The following STIM2 variants were observed in gnomAD, a reference collection of about 807,000 sequenced individuals.
STIM2 encodes stromal interaction molecule 2.
In STIM2, 31 loss-of-function variants were observed where a neutral mutation model predicts 85.8. That is an observed-to-expected ratio of 0.36 (90% confidence interval 0.27 to 0.49). The LOEUF is 0.49. Among genes scored for constraint, STIM2 ranks in the 20% least tolerant of loss-of-function variants. The pLI, the probability that STIM2 is intolerant of heterozygous loss-of-function variation, is 0.98. For synonymous variants in STIM2, 356 were observed against 331.1 expected (o/e 1.08, Z -0.82); for missense variants, 841 against 927.6 (o/e 0.91, Z 1.21).
In STIM2 at chr4:26,950,227, T is replaced by C. The variant is rs147489288; in HGVS notation, c.283-7385T>C. 2.4e-3 allele frequency among the ~76,000 whole-genome samples: 369 copies of C among 152,340 alleles called. 2 individuals are homozygous for C. Among genetic ancestry groups the C allele is most frequent in the African/African-American group, 8.1e-3 (337 of 41,588 alleles). ...AGACTAATTGTAGTCTTTATGTTTT[T>C]ATGACACAAAACAGCTTTCAGTTGA... On this transcript the variant is annotated intron_variant, in intron 2 of 11. Transcript: ENST00000467087.
chr4:27,006,070 AC>A (rs963816989), intron 7 of STIM2, among the ~76,000 whole-genome samples: 32 of 152,286 alleles, frequency 2.1e-4, no homozygotes, highest in African/African-American at 7.5e-4. Flanking sequence ...CACACAGCTT[AC>A]CCAACTGACT....
At chr4:26,905,654 G>A (rs1724095310) in intron 1 of STIM2, among the ~76,000 whole-genome samples, 1 of 152,112 alleles carries the variant, frequency 6.6e-6, no homozygotes, top group South Asian at 2.1e-4. Context: ...AGAAAATTTT[G>A]TAGCATAATT....
intron 1 of STIM2, among the ~76,000 whole-genome samples, chr4:26,908,523 G>T (rs1428558180): frequency 1.3e-5 from 2 of 152,106 alleles, no homozygotes; most frequent in African/African-American, 2.4e-5. Context: ...TCTTGCTGTC[G>T]CCCAGCCTGG....
intron 1 of STIM2, among the ~76,000 whole-genome samples, chr4:26,878,579 G>A (rs1722893978): frequency 6.6e-6 from 1 of 151,990 alleles, no homozygotes; most frequent in Admixed American, 6.6e-5. Context: ...CTGATTTTTG[G>A]TATATCTCTT....
chr4:26,918,873 A>C (rs1223394044), intron 1 of STIM2, among the ~76,000 whole-genome samples: 1 of 152,198 alleles, frequency 6.6e-6, no homozygotes, highest in African/African-American at 2.4e-5. Context: ...AACATGAAGA[A>C]CAAGATTTAA....
rs544534965 is a variant in STIM2 at position 26,946,590 on chromosome 4, A to G, written c.283-11022A>G. Among the ~76,000 whole-genome samples, 18 of 152,346 alleles carry G rather than the reference A, an allele frequency of 1.2e-4. 1 individual carries two copies. The South Asian group carries it at 3.5e-3, about 30-fold the overall frequency. The stretch of plus-strand genomic sequence containing the variant: ...TGCGCACGCATGCGTGCACACATGT[A>G]TGTCCACATGCTCCTGTATGCTTGC... On this transcript the variant is annotated intron_variant, in intron 2 of 11. Coordinates refer to ENST00000467087, the MANE Select transcript of STIM2 (RefSeq NM_020860.4).
intron 5 of STIM2, among the ~76,000 whole-genome samples, chr4:27,001,021 G>A (rs972921777): frequency 6.6e-6 from 1 of 152,096 alleles, no homozygotes; most frequent in African/African-American, 2.4e-5. Context: ...CAGGTGGAAG[G>A]GTGAAGGTGT....
intron 3 of STIM2, among the ~76,000 whole-genome samples, chr4:26,960,790 C>T (rs115840373): frequency 0.015 from 2,255 of 152,186 alleles, 50 homozygotes; most frequent in African/African-American, 0.051. Flanking sequence ...ACAGGCCAGG[C>T]GCAGTGGCTC....
At chr4:26,890,405 C>T (rs1233855425) in intron 1 of STIM2, among the ~76,000 whole-genome samples, 1 of 152,094 alleles carries the variant, frequency 6.6e-6, no homozygotes, top group Non-Finnish European at 1.5e-5. Context: ...CATGCATGCC[C>T]CACTTTATGA....
At chr4:26,931,578 A>G (rs993740619) in intron 2 of STIM2, among the ~76,000 whole-genome samples, 1 of 152,142 alleles carries the variant, frequency 6.6e-6, no homozygotes. Flanking sequence ...AAAGTTATCT[A>G]TTGAGTAGAG....
chr4:26,966,103 GA>G (rs1324183539), intron 3 of STIM2, among the ~76,000 whole-genome samples: 2 of 152,080 alleles, frequency 1.3e-5, no homozygotes, highest in African/African-American at 4.8e-5. Flanking sequence ...AGACTCAAGG[GA>G]TACCTCAAGG....
intron 3 of STIM2, among the ~76,000 whole-genome samples, chr4:26,964,099 C>T (rs963876467): frequency 4.6e-5 from 7 of 152,068 alleles, no homozygotes; most frequent in African/African-American, 9.7e-5. Context: ...CTGGAAGAGG[C>T]AGCTGAGTTG....
At chr4:26,984,519 C>G (rs555843114) in intron 3 of STIM2, among the ~76,000 whole-genome samples, 1 of 152,118 alleles carries the variant, frequency 6.6e-6, no homozygotes, top group South Asian at 2.1e-4. Flanking sequence ...TGCCACCACA[C>G]CTGGCTAATT....
intron 1 of STIM2, among the ~76,000 whole-genome samples, chr4:26,891,776 A>G (rs1267682989): frequency 2.0e-5 from 3 of 152,286 alleles, no homozygotes; most frequent in African/African-American, 4.8e-5. Context: ...TTTACTTCAC[A>G]TTAGAAGGGA....
rs1046384132 is a variant in STIM2, at chr4:27,023,958, A to T, written c.*962A>T. On this transcript the variant is annotated 3_prime_UTR_variant, in exon 12 of 12. Coordinates refer to ENST00000467087, the MANE Select transcript of STIM2 (RefSeq NM_020860.4). ...GTGGAAAAGATAATAAATTGAAGACATTATTGTGTGGGATTGTGCTGATTT... is the reference window on the plus strand; with the variant it reads ...GTGGAAAAGATAATAAATTGAAGACTTTATTGTGTGGGATTGTGCTGATTT... The T allele has an allele frequency of 2.0e-5, 3 of 152,644 alleles. No individual in the cohort carries two copies. The highest frequency in any genetic ancestry group is 4.4e-5 in the Non-Finnish European group (3 of 68,034). 9.5% of individuals were successfully genotyped at this position (152,644 alleles called of 1,614,324 possible).
At position 27,023,128 on chromosome 4, in the gene STIM2, T is replaced by C. The variant is rs533932690; in HGVS notation, c.*132T>C. On this transcript the variant is annotated 3_prime_UTR_variant, in exon 12 of 12. Coordinates refer to ENST00000467087, the MANE Select transcript of STIM2 (RefSeq NM_020860.4). ...TTGGGGCTTTCCAGGCCGGATGCCA[T>C]AGTGGAACATCCAGAAGGGCAACTG... 2.3e-4 allele frequency: 187 copies of C among 826,624 alleles called. 3 individuals carry two copies. The South Asian group carries it at 3.0e-3, about 13-fold the overall frequency. The allele number at this position is 826,624 out of a possible 1,614,324, so 51.2% of individuals were successfully genotyped here. A position where few individuals can be genotyped will look rare whatever the true frequency, so the allele number is the denominator to read the frequency against.
At chr4:26,922,339 C>G (rs1724835854) in intron 2 of STIM2, among the ~76,000 whole-genome samples, 1 of 152,028 alleles carries the variant, frequency 6.6e-6, no homozygotes, top group Non-Finnish European at 1.5e-5. Flanking sequence ...TACAATATGA[C>G]AGGATTAGCT....
chr4:26,872,547 A>C (rs1722664539), intron 1 of STIM2, among the ~76,000 whole-genome samples: 1 of 152,212 alleles, frequency 6.6e-6, no homozygotes, highest in African/African-American at 2.4e-5. Flanking sequence ...ACAATCTTTT[A>C]TAGATATGTA....
rs1678089578 is a variant in STIM2, at chr4:26,885,832, T to TAC, written c.151+24464_151+24465insCA. 3.0e-4 allele frequency among the ~76,000 whole-genome samples: 7 copies of TAC among 23,548 alleles called. No homozygotes were observed. The East Asian group carries it at 8.2e-3, about 28-fold the overall frequency. The allele number at this position is 23,548 out of a possible 152,430, so 15.4% of individuals were successfully genotyped here. The stretch of plus-strand genomic sequence containing the variant: ...TTTAGCACCTCAGGTTATATATATA[T>TAC]ATATATATATATATATATATATATA... On this transcript the variant is annotated intron_variant, in intron 1 of 11. Transcript: ENST00000467087.
Sources: gnomAD v4.1 joint callset for allele counts (sites outside exome capture counted in the v4.1 genomes callset) on GRCh38, gnomAD v4.1.1 for gene constraint, MANE v1.5 for transcripts, NCBI Gene and HGNC (gene_info 2026-07-23, HGNC 2026-07-21) for gene names.